USP7: variants seen among roughly 807,000 people sequenced by gnomAD.
The protein encoded by USP7 is ubiquitin specific peptidase 7.
USP7 carries 9 observed loss-of-function variants against 162.9 expected under a neutral mutation model. The ratio of observed to expected loss-of-function variants is 0.06; its 90% CI spans 0.03 to 0.10. The LOEUF (loss-of-function observed/expected upper bound fraction) is 0.10, where lower values mean the gene tolerates loss of function less well. Ranked by LOEUF, USP7 falls within the 10% of genes least tolerant of loss-of-function variation. The pLI is 1.00. For missense variants in USP7, 715 were observed against 1,373.7 expected, an observed-to-expected ratio of 0.52 and a Z score of 7.58; for synonymous variants, 562 against 475.9, an observed-to-expected ratio of 1.18 and a Z score of -2.35.
chr16:8,917,219 T>C, intron 6 of USP7, 63 bp from the exon 7 acceptor site: 1 of 1,521,446 alleles, frequency 6.6e-7, no homozygotes, highest in African/African-American at 1.4e-5. Context: ...TAAAAAACAG[T>C]AAGAATTTAA....
intron 1 of USP7, among the ~76,000 whole-genome samples, chr16:8,956,810 G>A (rs1413036147): frequency 6.0e-5 from 9 of 151,070 alleles, no homozygotes; most frequent in African/African-American, 2.2e-4. Flanking sequence ...GCTTTACACA[G>A]CCACAGGCAC....
intron 1 of USP7, among the ~76,000 whole-genome samples, chr16:8,932,560 C>T (rs1256198284): frequency 6.6e-6 from 1 of 152,138 alleles, no homozygotes; most frequent in African/African-American, 2.4e-5. Flanking sequence ...GGAAAAATGT[C>T]TTTTTGCTGG....
In USP7 at chr16:8,917,088, C is replaced by T; in HGVS notation, c.789G>A (p.Val263=). 1.9e-6 allele frequency: 3 copies of T among 1,613,266 alleles called. No individual in the cohort carries two copies. Among genetic ancestry groups the T allele is most frequent in the East Asian group, 2.2e-5 (1 of 44,832 alleles). The change falls in exon 7 of 31, where the codon GTG becomes GTA. Residue 263 remains valine (V), a synonymous_variant. Transcript: ENST00000344836. ...SKSVPLALQR[V]FYELQHSDKP... is the part of the protein sequence containing the mutation. ...TATCACTATGCTGTAATTCATAGAACACTCTTTGTAATGCTAAAGGGACGC... is the reference window on the plus strand; with the variant it reads ...TATCACTATGCTGTAATTCATAGAATACTCTTTGTAATGCTAAAGGGACGC...
chr16:8,963,364 C>A lies in USP7; in HGVS notation c.-79G>T. The A allele has an allele frequency of 4.3e-6, 1 of 234,798 alleles. No homozygotes were observed. The highest frequency in any genetic ancestry group is 6.7e-6 in the Non-Finnish European group (1 of 148,516). The allele number at this position is 234,798 out of a possible 1,614,324, so 14.5% of individuals were successfully genotyped here. A position where few individuals can be genotyped will look rare whatever the true frequency, so the allele number is the denominator to read the frequency against. ...GCGGGCGGGCGGCGGCGAGCCGGGG[C>A]GGCGGCGGCGGCGGCGGCGGCGGGG... On this transcript the variant is annotated 5_prime_UTR_variant, in exon 1 of 31. Transcript: ENST00000344836.
At chr16:8,927,892 C>A (rs1044001528) in intron 2 of USP7, among the ~76,000 whole-genome samples, 1 of 152,112 alleles carries the variant, frequency 6.6e-6, no homozygotes, top group African/African-American at 2.4e-5. Flanking sequence ...TGCCTATAAT[C>A]CCAACACATT....
chr16:8,960,795 G>T (rs994480370), intron 1 of USP7, among the ~76,000 whole-genome samples: 3 of 152,178 alleles, frequency 2.0e-5, no homozygotes, highest in Admixed American at 6.5e-5. Context: ...CAATCGTAAG[G>T]CTAGTACCAC....
At position 8,894,043 on chromosome 16, in the gene USP7, C is replaced by T; in HGVS notation, c.3264G>A (p.Arg1088=). The change falls in exon 31 of 31, where the codon AGG becomes AGA. Residue 1088 remains arginine, a synonymous_variant. Coordinates refer to ENST00000344836, the MANE Select transcript of USP7 (RefSeq NM_003470.3). ...CCTTTTCAAGGTAAGTGTAGCGACT[C>T]CTCTTTGGGGCTTTGTTGAAGTGGT... is the stretch of plus-strand genomic sequence containing the variant. The part of the protein sequence containing the change: ...GLDHFNKAPK[R]SRYTYLEKAI... 1 of 1,614,206 alleles carries T rather than the reference C, an allele frequency of 6.2e-7. No individual in the cohort carries two copies. Among genetic ancestry groups the T allele is most frequent in the Non-Finnish European group, 8.5e-7 (1 of 1,180,040 alleles).
At chr16:8,936,753 C>T (rs1016898163) in intron 1 of USP7, 13 of 1,341,228 alleles carry the variant, frequency 9.7e-6, no homozygotes, top group African/African-American at 9.0e-5. Flanking sequence ...GAAGCCTTGT[C>T]TTTAGGACCA....
intron 12 of USP7, 54 bp downstream of exon 12, chr16:8,908,287 C>A: frequency 7.1e-7 from 1 of 1,405,578 alleles, no homozygotes. Flanking sequence ...TGAGACTAAC[C>A]CCCTAGACCA....
chr16:8,902,222 C>CTAAT, intron 17 of USP7, 35 bp from the exon 18 acceptor site: 4 of 1,608,686 alleles, frequency 2.5e-6, no homozygotes, highest in Non-Finnish European at 2.6e-6. Flanking sequence ...TTAGAAGAGT[C>CTAAT]TAATGGCTTA....
chr16:8,904,395 C>A (rs1291620882), intron 15 of USP7, 40 bp downstream of exon 15: 1 of 1,608,150 alleles, frequency 6.2e-7, no homozygotes, highest in Non-Finnish European at 8.5e-7. Flanking sequence ...GGGTGCCCGG[C>A]TGCATGGTGA....
At chr16:8,924,565 A>G (rs1897887823) in intron 2 of USP7, among the ~76,000 whole-genome samples, 2 of 152,208 alleles carry the variant, frequency 1.3e-5, no homozygotes, top group South Asian at 4.1e-4. Context: ...AGGCTTGGGT[A>G]AAGAGTGCCT....
In USP7 at chr16:8,906,441, G is replaced by C. The variant is rs911667606; in HGVS notation, c.1413C>G (p.Pro471=). ...HGGHYVVYLN[P]KGDGKWCKFD... ...CACCACTTACTTTGCCATCCCCTTT[G>C]GGGTTTAGATAAACCACATAATGTC... Residue 471 remains proline (P), a synonymous_variant, in exon 13 of 31, where the codon CCC becomes CCG. Coordinates refer to ENST00000344836, the MANE Select transcript of USP7 (RefSeq NM_003470.3). 4.3e-6 allele frequency: 7 copies of C among 1,611,858 alleles called. No individual in the cohort carries two copies. In the African/African-American group the frequency reaches 8.0e-5, roughly 18 times the overall value.
intron 16 of USP7, 70 bp from the exon 17 acceptor site, chr16:8,902,552 CAT>C (rs2061792028): frequency 8.1e-7 from 1 of 1,227,408 alleles, no homozygotes; most frequent in Non-Finnish European, 1.2e-6. Flanking sequence ...ATTACACACA[CAT>C]ATGTATATAC....
intron 10 of USP7, 47 bp from the exon 11 acceptor site, chr16:8,910,874 A>C: frequency 6.7e-7 from 1 of 1,494,834 alleles, no homozygotes; most frequent in Admixed American, 1.7e-5. Context: ...CTTCATTTAT[A>C]ATGTAGCCAA....
intron 1 of USP7, among the ~76,000 whole-genome samples, chr16:8,931,822 G>T (rs1438028033): frequency 6.6e-6 from 1 of 152,128 alleles, no homozygotes; most frequent in East Asian, 1.9e-4. Context: ...AAATCAATTT[G>T]TTTTTCCCCA....
intron 1 of USP7, among the ~76,000 whole-genome samples, chr16:8,950,983 T>C (rs1197142762): frequency 6.6e-6 from 1 of 152,156 alleles, no homozygotes; most frequent in East Asian, 1.9e-4. Context: ...GTGCACAGAC[T>C]GAAAAAACTG....
In USP7 at chr16:8,897,081, C is replaced by G. The variant is rs2061693022; in HGVS notation, c.2737G>C (p.Asp913His). The change falls in exon 26 of 31, where the codon GAC (aspartate) becomes CAC (histidine). Residue 913 changes from aspartate to histidine, a missense_variant. This residue lies in a region of USP7 where 222 missense variants were observed against 441.7 expected (regional missense o/e 0.50). Coordinates refer to ENST00000344836, the MANE Select transcript of USP7 (RefSeq NM_003470.3). Reference protein sequence around the residue: ...FREEEITLYPDKHGCVRDLLE... With the variant: ...FREEEITLYPHKHGCVRDLLE... Reference sequence around the variant, plus strand: ...AGGTCCCGGACACACCCATGCTTGTCTGGATATAGTGTTATTTCCTAAGTA... The same window carrying G: ...AGGTCCCGGACACACCCATGCTTGTGTGGATATAGTGTTATTTCCTAAGTA... 1 of 1,613,604 alleles carries G rather than the reference C, an allele frequency of 6.2e-7. No individual in the cohort carries two copies. Among genetic ancestry groups the G allele is most frequent in the Non-Finnish European group, 8.5e-7 (1 of 1,179,636 alleles).
intron 1 of USP7, among the ~76,000 whole-genome samples, chr16:8,952,676 T>C (rs1338148880): frequency 6.6e-6 from 1 of 152,172 alleles, no homozygotes; most frequent in Non-Finnish European, 1.5e-5. Context: ...CCCTTTGCCA[T>C]GTAACGTAAC....
Sources: allele counts gnomAD v4.1 joint callset (sites outside exome capture counted in the v4.1 genomes callset), GRCh38; gene constraint gnomAD v4.1.1; regional missense constraint gnomAD v4.1.1; transcripts MANE v1.5; gene names NCBI Gene and HGNC (gene_info 2026-07-23, HGNC 2026-07-21).